The following R3HDM4 variants were observed in gnomAD, a reference collection of about 807,000 sequenced individuals.
R3HDM4 encodes the protein R3H domain-containing protein 4.
A neutral mutation model predicts 31.3 loss-of-function variants in R3HDM4; 30 were observed. The observed-to-expected ratio is 0.96, with a 90% CI of 0.72 to 1.30. The LOEUF is 1.30. Among genes scored for constraint, R3HDM4 ranks in the 50% most tolerant of loss-of-function variants. The pLI is 0.00. For synonymous variants in R3HDM4, 196 were observed against 156.6 expected (o/e 1.25, Z -1.88); for missense variants, 444 against 366.1 (o/e 1.21, Z -1.74).
intron 1 of R3HDM4, among the ~76,000 whole-genome samples, chr19:910,273 C>G (rs908992343): frequency 6.6e-6 from 1 of 151,590 alleles, no homozygotes; most frequent in South Asian, 2.1e-4. Context: ...TGCAGTGAGC[C>G]GAGATCGCAC....
Position 899,596 on chromosome 19 carries a change from C to G in R3HDM4, c.647+5G>C, listed in dbSNP as rs144463479. On this transcript the variant is annotated splice_donor_5th_base_variant and intron_variant, in intron 6 of 7. Transcript: ENST00000361574. The surrounding 1 kb of genome is among the most constrained non-coding windows in gnomAD (Gnocchi z 6.8). Reference sequence around the variant, plus strand: ...GGGTCCGCTCGCCTGGCCGCCCCCCCTTACCTGTTGTCTAGCATTGCTGTG... The same window carrying G: ...GGGTCCGCTCGCCTGGCCGCCCCCCGTTACCTGTTGTCTAGCATTGCTGTG... 0.027 allele frequency: 44,163 copies of G among 1,612,440 alleles called. 731 individuals carry two copies. The highest frequency in any genetic ancestry group is 0.033 in the Non-Finnish European group (38,673 of 1,179,422).
intron 2 of R3HDM4, 142 bp from the exon 3 acceptor site, chr19:901,688 A>G: frequency 8.7e-7 from 1 of 1,145,340 alleles, no homozygotes. Context: ...CCCAGAAGGT[A>G]CAGAGACCAC....
chr19:904,022 G>C (rs2036872639), intron 1 of R3HDM4, among the ~76,000 whole-genome samples: 1 of 152,180 alleles, frequency 6.6e-6, no homozygotes, highest in Non-Finnish European at 1.5e-5. Context: ...CTGCGCTCCA[G>C]CCTGGACGAC....
chr19:904,782 GA>G (rs959830315), intron 1 of R3HDM4, among the ~76,000 whole-genome samples: 8 of 145,512 alleles, frequency 5.5e-5, no homozygotes, highest in South Asian at 2.2e-4. Context: ...TCTTAAAAAA[GA>G]AAAAAAAAAT....
intron 2 of R3HDM4, 24 bp from the exon 3 acceptor site, chr19:901,570 G>C: frequency 6.3e-7 from 1 of 1,587,924 alleles, no homozygotes; most frequent in Non-Finnish European, 8.5e-7. Flanking sequence ...GATGCTCTCT[G>C]GGCCGGGGTG....
At chr19:902,183 G>A (rs545773434) in intron 1 of R3HDM4, 53 bp from the exon 2 acceptor site, 27 of 1,597,024 alleles carry the variant, frequency 1.7e-5, no homozygotes, top group African/African-American at 2.7e-5. Context: ...CAGGATCTCC[G>A]AGAAGGGCCC....
In R3HDM4 at chr19:901,772, TC is replaced by T. The variant is rs2036840696; in HGVS notation, c.226+203del. The T allele has an allele frequency of 2.6e-5, 12 of 462,456 alleles. No homozygotes were observed. In the East Asian group the frequency reaches 5.4e-4, roughly 21 times the overall value. The allele number at this position is 462,456 out of a possible 1,614,324, so 28.6% of individuals were successfully genotyped here. On this transcript the variant is annotated intron_variant, in intron 2 of 7. Transcript: ENST00000361574. Reference sequence around the variant, plus strand: ...CCCAGCTCCAATGCCCGGGGCGCCCTCCCACCCAGCCCTGATCCAAGAGTCC... The same window carrying T: ...CCCAGCTCCAATGCCCGGGGCGCCCTCCACCCAGCCCTGATCCAAGAGTCC...
chr19:904,684 G>A (rs1334144943), intron 1 of R3HDM4, among the ~76,000 whole-genome samples: 1 of 152,046 alleles, frequency 6.6e-6, no homozygotes, highest in East Asian at 1.9e-4. Context: ...GCTGAGGAGG[G>A]AGGATCACTT....
intron 1 of R3HDM4, among the ~76,000 whole-genome samples, chr19:908,385 T>A (rs1195337981): frequency 6.6e-6 from 1 of 151,748 alleles, no homozygotes; most frequent in Non-Finnish European, 1.5e-5. Context: ...GGCAGGTGGA[T>A]CACTTGAGGC....
chr19:900,918 T>C lies in R3HDM4; in HGVS notation c.386A>G (p.Glu129Gly), dbSNP rs370086808. Residue 129 changes from glutamate (E) to glycine (G), a missense_variant, in exon 4 of 8, where the codon GAG becomes GGG. Glu to Gly is a moderately conservative substitution (Grantham distance 98, BLOSUM62 -2). Transcript: ENST00000361574. ...WNDFMNRSGE[E>G]QERVLRYLED... ...CAGGTAGCGAAGAACCCGCTCCTGC[T>C]CCTCCCCGGAGCGGTTCATGAAATC... is the stretch of plus-strand genomic sequence containing the variant. The C allele has an allele frequency of 5.0e-6, 8 of 1,608,328 alleles. No homozygotes were observed. Among genetic ancestry groups the C allele is most frequent in the Non-Finnish European group, 6.8e-6 (8 of 1,178,536 alleles).
chr19:899,419 T>C lies in R3HDM4; in HGVS notation c.703+21A>G. 5 of 1,613,046 alleles carry C rather than the reference T, an allele frequency of 3.1e-6. No individual in the cohort carries two copies. The highest frequency in any genetic ancestry group is 4.2e-6 in the Non-Finnish European group (5 of 1,179,616). On this transcript the variant is annotated intron_variant, in intron 7 of 7. Coordinates refer to ENST00000361574, the MANE Select transcript of R3HDM4 (RefSeq NM_138774.4). This position sits in a 1 kb window ranked among gnomAD's most constrained non-coding sequence, Gnocchi z 6.8. ...AGGTTGAGCTGGCCAACTTGGGGTC[T>C]TGGGGGCCACCGGCACTTACTGGCC...
In R3HDM4 at chr19:901,869, G is replaced by T. The variant is rs566268920; in HGVS notation, c.226+107C>A. ...CAGCTGACACCTCTTTGGGTCCCCA[G>T]CCCCACCCAGGCACAGCTCATGGGA... On this transcript the variant is annotated intron_variant, in intron 2 of 7. Transcript: ENST00000361574. 5.5e-3 allele frequency: 6,908 copies of T among 1,262,448 alleles called. 18 individuals carry two copies. The highest frequency in any genetic ancestry group is 6.8e-3 in the Non-Finnish European group (6,344 of 934,410). 78.2% of individuals were successfully genotyped at this position (1,262,448 alleles called of 1,614,324 possible).
chr19:901,141 C>T, intron 3 of R3HDM4, 189 bp from the exon 4 acceptor site: 2 of 763,188 alleles, frequency 2.6e-6, no homozygotes, highest in South Asian at 2.0e-5. Flanking sequence ...CGGGGTGGGC[C>T]CAGCTGTCTC....
intron 1 of R3HDM4, among the ~76,000 whole-genome samples, chr19:903,553 C>T (rs908467493): frequency 1.5e-4 from 23 of 151,604 alleles, no homozygotes; most frequent in Non-Finnish European, 1.6e-4. Flanking sequence ...ACCTGGGAAG[C>T]GGGCCGGTGA....
At position 902,007 on chromosome 19, in the gene R3HDM4, C is replaced by T. The variant is rs758339277; in HGVS notation, c.195G>A (p.Lys65=). 15 of 1,613,752 alleles carry T rather than the reference C, an allele frequency of 9.3e-6. No individual in the cohort carries two copies. The highest frequency in any genetic ancestry group is 8.0e-5 in the African/African-American group (6 of 74,944). Residue 65 remains lysine (K), a synonymous_variant, in exon 2 of 8, where the codon AAG becomes AAA. Coordinates refer to ENST00000361574, the MANE Select transcript of R3HDM4 (RefSeq NM_138774.4). ...VRNSDLVPKA[K]GRKSLQRLEN... ...CCAGGCGCTGGAGGCTCTTCCGCCC[C>T]TTGGCCTTGGGCACGAGGTCTGAGT... is the stretch of plus-strand genomic sequence containing the variant.
rs1370805420 is a variant in R3HDM4, at chr19:913,159, G to A, written c.-2C>T. The A allele has an allele frequency of 3.7e-6, 4 of 1,071,896 alleles. No homozygotes were observed. Among genetic ancestry groups the A allele is most frequent in the Middle Eastern group, 4.2e-4 (1 of 2,366 alleles). The allele number at this position is 1,071,896 out of a possible 1,614,324, so 66.4% of individuals were successfully genotyped here. A position where few individuals can be genotyped will look rare whatever the true frequency, so the allele number is the denominator to read the frequency against. ...CTCGGGGTTCTCCAGCGCGACCATG[G>A]CTCGCACGCTGTCGCCGCCGCCGCC... On this transcript the variant is annotated 5_prime_UTR_variant, in exon 1 of 8. Coordinates refer to ENST00000361574, the MANE Select transcript of R3HDM4 (RefSeq NM_138774.4). The surrounding 1 kb of genome is among the most constrained non-coding windows in gnomAD (Gnocchi z 5.0).
chr19:908,938 C>T (rs928192565), intron 1 of R3HDM4, among the ~76,000 whole-genome samples: 2 of 152,256 alleles, frequency 1.3e-5, no homozygotes, highest in African/African-American at 2.4e-5. Flanking sequence ...CGGCCCACAG[C>T]GGCGCTCACT....
chr19:909,545 C>T (rs569048171), intron 1 of R3HDM4, among the ~76,000 whole-genome samples: 2 of 152,340 alleles, frequency 1.3e-5, no homozygotes, highest in South Asian at 2.1e-4. Context: ...CCTGCAATCC[C>T]AGCACTTTGG....
rs911933323 is a variant in R3HDM4 at position 899,049 on chromosome 19, G to T, written c.703+391C>A. Among the ~76,000 whole-genome samples the T allele has an allele frequency of 1.3e-5, 2 of 152,104 alleles. No individual in the cohort carries two copies. Among genetic ancestry groups the T allele is most frequent in the African/African-American group, 2.4e-5 (1 of 41,424 alleles). On this transcript the variant is annotated intron_variant, in intron 7 of 7. Coordinates refer to ENST00000361574, the MANE Select transcript of R3HDM4 (RefSeq NM_138774.4). This position sits in a 1 kb window ranked among gnomAD's most constrained non-coding sequence, Gnocchi z 6.8. ...GGGCCAGTAGGGGGTCTCGCCTGAGGTCCCACGTGTGGTATGTGGGAGGCC... is the reference window on the plus strand; with the variant it reads ...GGGCCAGTAGGGGGTCTCGCCTGAGTTCCCACGTGTGGTATGTGGGAGGCC...
Sources: allele counts gnomAD v4.1 joint callset (sites outside exome capture counted in the v4.1 genomes callset), GRCh38; gene constraint gnomAD v4.1.1; non-coding constraint Gnocchi (gnomAD v3.1); transcripts MANE v1.5; gene names NCBI Gene and HGNC (gene_info 2026-07-23, HGNC 2026-07-21).